LRRN2: variants seen among roughly 807,000 people sequenced by gnomAD.
The protein encoded by LRRN2 is leucine rich repeat neuronal 2.
A neutral mutation model predicts 35.7 loss-of-function variants in LRRN2; 10 were observed. The ratio of observed to expected loss-of-function variants is 0.28; its 90% CI spans 0.17 to 0.47. The LOEUF (loss-of-function observed/expected upper bound fraction) is 0.47. Ranked by LOEUF, LRRN2 falls within the 20% of genes least tolerant of loss-of-function variation. The pLI, the probability that LRRN2 is intolerant of heterozygous loss-of-function variation, is 0.99. For synonymous variants in LRRN2, 391 were observed against 409.6 expected (o/e 0.95, Z 0.55); for missense variants, 731 against 940.3 (o/e 0.78, Z 2.91).
rs1026196664 is a variant in LRRN2 at position 204,617,414 on chromosome 1, C to G, written c.*437G>C. On this transcript the variant is annotated 3_prime_UTR_variant, in exon 2 of 2. Transcript: ENST00000367177. ...GGGGTCACTCCCACATTGAGGGCAGCCCCCCGAGGTGAGATGGAGTGGCCT... is the reference window on the plus strand; with the variant it reads ...GGGGTCACTCCCACATTGAGGGCAGGCCCCCGAGGTGAGATGGAGTGGCCT... The G allele has an allele frequency of 1.8e-5, 3 of 168,610 alleles. No homozygotes were observed. The highest frequency in any genetic ancestry group is 1.1e-4 in the Admixed American group (2 of 18,166). 10.4% of individuals were successfully genotyped at this position (168,610 alleles called of 1,614,324 possible). A position where few individuals can be genotyped will look rare whatever the true frequency, so the allele number is the denominator to read the frequency against.
In LRRN2 at chr1:204,671,395, T is replaced by G. The variant is rs571807829; in HGVS notation, c.-227+13925A>C. On this transcript the variant is annotated intron_variant, in intron 1 of 1. Transcript: ENST00000367177. ...TGAGTTTGTAGAAGTAGCAATCTGT[T>G]TGTGTGTTTGTGTGTGTGTGTGTGT... Among the ~76,000 whole-genome samples, 51 of 141,526 alleles carry G rather than the reference T, an allele frequency of 3.6e-4. 1 individual carries two copies. The highest frequency in any genetic ancestry group is 4.2e-4 in the Non-Finnish European group (28 of 66,244). The allele number at this position is 141,526 out of a possible 152,430, so 92.8% of individuals were successfully genotyped here.
intron 1 of LRRN2, among the ~76,000 whole-genome samples, chr1:204,658,729 T>G (rs1027546057): frequency 2.6e-5 from 4 of 152,226 alleles, no homozygotes; most frequent in African/African-American, 4.8e-5. Context: ...TTTGGGAGCC[T>G]CTGGGTTTTT....
chr1:204,622,539 C>G (rs1167861874), intron 1 of LRRN2, among the ~76,000 whole-genome samples: 3 of 152,176 alleles, frequency 2.0e-5, no homozygotes, highest in Non-Finnish European at 4.4e-5. Context: ...TGTGAACAAA[C>G]ACATGTGTAC....
intron 1 of LRRN2, among the ~76,000 whole-genome samples, chr1:204,670,582 A>C (rs1434893194): frequency 1.3e-5 from 2 of 152,182 alleles, no homozygotes; most frequent in Non-Finnish European, 2.9e-5. Context: ...CAGAGTATCC[A>C]ATCAGAAGAG....
chr1:204,665,610 A>G (rs987222852), intron 1 of LRRN2, among the ~76,000 whole-genome samples: 2 of 152,136 alleles, frequency 1.3e-5, no homozygotes, highest in African/African-American at 4.8e-5. Context: ...TGAAAGGCCC[A>G]CCCTGGAGAC....
At chr1:204,666,962 C>A (rs1165821244) in intron 1 of LRRN2, among the ~76,000 whole-genome samples, 21 of 64,846 alleles carry the variant, frequency 3.2e-4, no homozygotes, top group South Asian at 7.7e-4. Flanking sequence ...ACTCTGTCTC[C>A]AAAAAAAAAA....
At chr1:204,673,665 C>G (rs1334994433) in intron 1 of LRRN2, among the ~76,000 whole-genome samples, 1 of 152,212 alleles carries the variant, frequency 6.6e-6, no homozygotes, top group Admixed American at 6.5e-5. Flanking sequence ...CACAGTAAAC[C>G]TGAGGCTTCC....
chr1:204,677,708 C>T (rs183818489), intron 1 of LRRN2, among the ~76,000 whole-genome samples: 32 of 152,216 alleles, frequency 2.1e-4, no homozygotes, highest in East Asian at 7.7e-4. Flanking sequence ...CCTGGGACAA[C>T]GGCCGGAGCT....
intron 1 of LRRN2, among the ~76,000 whole-genome samples, chr1:204,680,936 G>A (rs977650975): frequency 1.1e-4 from 17 of 150,730 alleles, no homozygotes; most frequent in Non-Finnish European, 1.8e-4. Flanking sequence ...TTCCTAATCC[G>A]CAAACAGCAA....
intron 1 of LRRN2, among the ~76,000 whole-genome samples, chr1:204,683,886 G>A (rs978317070): frequency 1.3e-5 from 2 of 152,194 alleles, no homozygotes; most frequent in African/African-American, 4.8e-5. Flanking sequence ...AGTGGGTCAG[G>A]CCACCCACAT....
At chr1:204,684,575 T>C (rs1356496666) in intron 1 of LRRN2, among the ~76,000 whole-genome samples, 2 of 152,074 alleles carry the variant, frequency 1.3e-5, no homozygotes, top group East Asian at 3.9e-4. Context: ...GCGCCACCCT[T>C]TGCCAGCAGG....
In LRRN2 at chr1:204,618,903, C is replaced by G; in HGVS notation, c.1090G>C (p.Val364Leu). ...CGGATGGGGTTGCCGTGGAGACCTACCTCCTGCAGGTTGGGCAGGGACTCC... is the reference window on the plus strand; with the variant it reads ...CGGATGGGGTTGCCGTGGAGACCTAGCTCCTGCAGGTTGGGCAGGGACTCC... The part of the protein sequence containing the change: ...TVESLPNLQE[V>L]GLHGNPIRCD... The change falls in exon 2 of 2, where the codon GTA becomes CTA. Residue 364 changes from valine to leucine, a missense_variant. Physicochemically the swap from Val to Leu is conservative, Grantham distance 32. Around this residue, in one of 3 missense-constraint regions of LRRN2, gnomAD observed 256 missense variants for 392.4 expected, o/e 0.65. Coordinates refer to ENST00000367177, the MANE Select transcript of LRRN2 (RefSeq NM_201630.2). The G allele has an allele frequency of 6.2e-7, 1 of 1,614,142 alleles. No homozygotes were observed. Among genetic ancestry groups the G allele is most frequent in the South Asian group, 1.1e-5 (1 of 91,086 alleles).
At chr1:204,659,704 T>A (rs1358458314) in intron 1 of LRRN2, among the ~76,000 whole-genome samples, 2 of 152,160 alleles carry the variant, frequency 1.3e-5, no homozygotes, top group Non-Finnish European at 2.9e-5. Context: ...TTTTCCCCAG[T>A]GTATTTACTA....
chr1:204,641,907 C>T (rs1667985912), intron 1 of LRRN2, among the ~76,000 whole-genome samples: 1 of 152,252 alleles, frequency 6.6e-6, no homozygotes, highest in Non-Finnish European at 1.5e-5. Context: ...AGGGCCAAAC[C>T]CACTCTCCAA....
chr1:204,684,001 C>T (rs1180589703), intron 1 of LRRN2, among the ~76,000 whole-genome samples: 1 of 152,196 alleles, frequency 6.6e-6, no homozygotes, highest in Non-Finnish European at 1.5e-5. Flanking sequence ...TTGAAGGGAT[C>T]TTTAAGAAGC....
chr1:204,622,824 C>T (rs1322100474), intron 1 of LRRN2, among the ~76,000 whole-genome samples: 1 of 152,164 alleles, frequency 6.6e-6, no homozygotes, highest in Admixed American at 6.5e-5. Context: ...AATCGCGGCC[C>T]TACCACTCAC....
At chr1:204,656,412 A>G (rs528033388) in intron 1 of LRRN2, among the ~76,000 whole-genome samples, 8 of 152,176 alleles carry the variant, frequency 5.3e-5, no homozygotes, top group Admixed American at 6.5e-5. Context: ...ATTTTGATGC[A>G]TATCTTTTCA....
intron 1 of LRRN2, among the ~76,000 whole-genome samples, chr1:204,652,438 C>T (rs79301162): frequency 6.6e-6 from 1 of 151,832 alleles, no homozygotes; most frequent in Non-Finnish European, 1.5e-5. Flanking sequence ...AAAGAAGGAC[C>T]GAGCTAAAGT....
chr1:204,679,061 G>A (rs1558425040), intron 1 of LRRN2, among the ~76,000 whole-genome samples: 1 of 152,196 alleles, frequency 6.6e-6, no homozygotes, highest in Non-Finnish European at 1.5e-5. Context: ...TGGCGCTCGA[G>A]ATGGGCAGTG....
Sources: gnomAD v4.1 joint callset for allele counts (sites outside exome capture counted in the v4.1 genomes callset) on GRCh38, gnomAD v4.1.1 for gene constraint, gnomAD v4.1.1 regional missense constraint, MANE v1.5 for transcripts, NCBI Gene and HGNC (gene_info 2026-07-23, HGNC 2026-07-21) for gene names.